Variants in CHRNA4 observed in about 807,000 individuals in gnomAD.
The protein encoded by CHRNA4 is neuronal acetylcholine receptor subunit alpha-4.
CHRNA4 carries 28 observed loss-of-function variants against 48.9 expected under a neutral mutation model. The ratio of observed to expected loss-of-function variants is 0.57; its 90% CI spans 0.42 to 0.79. CHRNA4 has a LOEUF of 0.79. Among genes scored for constraint, CHRNA4 ranks in the 30% least tolerant of loss-of-function variants. The pLI is 0.00. For synonymous variants in CHRNA4, 425 were observed against 402.3 expected, an observed-to-expected ratio of 1.06 and a Z score of -0.68; for missense variants, 859 against 898.4, an observed-to-expected ratio of 0.96 and a Z score of 0.56.
At chr20:63,351,398 C>T (rs983673944) in intron 4 of CHRNA4, among the ~76,000 whole-genome samples, 3 of 152,194 alleles carry the variant, frequency 2.0e-5, no homozygotes, top group Admixed American at 1.3e-4. Context: ...GTTCAGAGAA[C>T]GGGAAGGGAC....
chr20:63,353,481 T>TG (rs1449034572), intron 4 of CHRNA4, among the ~76,000 whole-genome samples: 3 of 31,676 alleles, frequency 9.5e-5, no homozygotes, highest in Non-Finnish European at 1.8e-4. Context: ...GCTGTGGTCC[T>TG]GGGGGGGCTG....
chr20:63,359,960 C>T (rs1277068322), intron 1 of CHRNA4: 4 of 385,440 alleles, frequency 1.0e-5, no homozygotes, highest in African/African-American at 2.3e-5. Context: ...CCTCTCTTGG[C>T]CTCCGGCTCT....
chr20:63,349,562 C>T, intron 5 of CHRNA4, 91 bp downstream of exon 5: 1 of 1,535,522 alleles, frequency 6.5e-7, no homozygotes. Flanking sequence ...GAGGCCTGGG[C>T]CCGGCTCCTG....
chr20:63,361,094 CAGG>C lies in CHRNA4; in HGVS notation c.69_71del (p.Leu24del). On this transcript the variant is annotated inframe_deletion, in exon 1 of 6. Coordinates refer to ENST00000370263, the MANE Select transcript of CHRNA4 (RefSeq NM_000744.7). ...ATCCCGCGCCCCGTAACTTACCGCG[CAGG>C]AGGCCGGTCCCCAGAAGCAGCAGCA... 2 of 1,467,968 alleles carry C rather than the reference CAGG, an allele frequency of 1.4e-6. No homozygotes were observed. Among genetic ancestry groups the C allele is most frequent in the Non-Finnish European group, 1.8e-6 (2 of 1,114,754 alleles). The allele number at this position is 1,467,968 out of a possible 1,614,324, so 90.9% of individuals were successfully genotyped here.
rs1442036053 is a variant in CHRNA4, at chr20:63,345,796, C to A, written c.*942G>T. The A allele has an allele frequency of 2.3e-6, 1 of 442,186 alleles. No homozygotes were observed. Among genetic ancestry groups the A allele is most frequent in the Non-Finnish European group, 4.6e-6 (1 of 217,410 alleles). 27.4% of individuals were successfully genotyped at this position (442,186 alleles called of 1,614,324 possible). ...AGGGCGGATCTCCCGGGCTGCGCGC[C>A]AAGGTGGAAACCCTCAGGGTCCTGG... On this transcript the variant is annotated 3_prime_UTR_variant, in exon 6 of 6. Coordinates refer to ENST00000370263, the MANE Select transcript of CHRNA4 (RefSeq NM_000744.7). This position sits in a 1 kb window ranked among gnomAD's most constrained non-coding sequence, Gnocchi z 5.4.
rs535760681 is a variant in CHRNA4 at position 63,344,334 on chromosome 20, TA to T, written c.*2403del. 3.8e-3 allele frequency: 1,713 copies of T among 454,048 alleles called. 27 individuals are homozygous for T. Among genetic ancestry groups the T allele is most frequent in the South Asian group, 0.016 (1,049 of 64,474 alleles). The allele number at this position is 454,048 out of a possible 1,614,324, so 28.1% of individuals were successfully genotyped here. The stretch of plus-strand genomic sequence containing the variant: ...GACAGGAAGGGCTGGAGGGACCTTC[TA>T]GGGGCTGGGTCTCCACTGAAGAGCA... On this transcript the variant is annotated 3_prime_UTR_variant, in exon 6 of 6. Coordinates refer to ENST00000370263, the MANE Select transcript of CHRNA4 (RefSeq NM_000744.7). The surrounding 1 kb of genome is among the most constrained non-coding windows in gnomAD (Gnocchi z 4.5).
intron 3 of CHRNA4, 67 bp from the exon 4 acceptor site, chr20:63,356,151 G>A (rs2068715117): frequency 2.6e-6 from 2 of 757,172 alleles, no homozygotes; most frequent in South Asian, 4.0e-5. Flanking sequence ...GGCGGGACAG[G>A]GCCAGGGTGG....
chr20:63,351,444 G>C (rs1175334217), intron 4 of CHRNA4, among the ~76,000 whole-genome samples: 2 of 152,200 alleles, frequency 1.3e-5, no homozygotes, highest in East Asian at 1.9e-4. Flanking sequence ...ACTGCTGCTG[G>C]TGATTACCCT....
intron 4 of CHRNA4, chr20:63,355,621 C>G: frequency 4.6e-6 from 6 of 1,309,280 alleles, no homozygotes; most frequent in Non-Finnish European, 6.0e-6. Context: ...GCAAAGACGT[C>G]GCGGGTCAGG....
At chr20:63,351,983 G>A (rs904985061) in intron 4 of CHRNA4, among the ~76,000 whole-genome samples, 2 of 152,088 alleles carry the variant, frequency 1.3e-5, no homozygotes, top group Admixed American at 6.5e-5. Context: ...ACCCACAGAA[G>A]TCCCCACCAA....
At position 63,359,779 on chromosome 20, in the gene CHRNA4, C is replaced by G. The variant is rs1031179995; in HGVS notation, c.77-80G>C. 12 of 1,537,728 alleles carry G rather than the reference C, an allele frequency of 7.8e-6. No homozygotes were observed. In the South Asian group the frequency reaches 9.2e-5, roughly 12 times the overall value. ...CTGTCCAGGAGCTCTCCAGGCTGCC[C>G]CAGCCCCCTGCCCAGCACGTCCACT... On this transcript the variant is annotated intron_variant, in intron 1 of 5. Coordinates refer to ENST00000370263, the MANE Select transcript of CHRNA4 (RefSeq NM_000744.7).
At chr20:63,358,015 G>A (rs917908171) in intron 2 of CHRNA4, among the ~76,000 whole-genome samples, 8 of 152,180 alleles carry the variant, frequency 5.3e-5, no homozygotes, top group Non-Finnish European at 1.2e-4. Flanking sequence ...GCCTTGGGCA[G>A]CTGCCAGCGG....
intron 4 of CHRNA4, among the ~76,000 whole-genome samples, chr20:63,352,961 G>T (rs2068638685): frequency 6.6e-6 from 1 of 152,118 alleles, no homozygotes; most frequent in South Asian, 2.1e-4. Flanking sequence ...ACCCGGCCGT[G>T]AGCCGGCTCT....
intron 1 of CHRNA4, 121 bp downstream of exon 1, chr20:63,360,969 C>T (rs1257570302): frequency 3.5e-6 from 3 of 847,056 alleles, no homozygotes; most frequent in Non-Finnish European, 4.9e-6. Context: ...CTCGCGGTCG[C>T]CCAGTCGCGC....
intron 4 of CHRNA4, chr20:63,354,561 C>T (rs533880081): frequency 5.8e-6 from 5 of 865,080 alleles, no homozygotes; most frequent in African/African-American, 2.4e-5. Context: ...TTTGGAGGGC[C>T]GTGGTCCTGG....
intron 2 of CHRNA4, chr20:63,356,694 G>A (rs1343461249): frequency 1.8e-6 from 1 of 551,734 alleles, no homozygotes; most frequent in Non-Finnish European, 3.3e-6. Context: ...CTAAGGACAG[G>A]TGTGGCGGGC....
At chr20:63,347,258 A>T (rs1206126005) in intron 5 of CHRNA4, among the ~76,000 whole-genome samples, 3 of 152,196 alleles carry the variant, frequency 2.0e-5, no homozygotes, top group African/African-American at 7.2e-5. Context: ...TCAGCTCACC[A>T]GCGCTGGGAG....
Position 63,350,390 on chromosome 20 carries a change from G to C in CHRNA4, c.1021C>G (p.Pro341Ala), listed in dbSNP as rs2068573017. ...AGGAAGACCCTGCGTACCCAGGTGG[G>C]CATGGTGTGCGTGCGTGGCGAGCGG... ...HHRSPRTHTMPTWVRRVFLDI... is the reference protein window; with the variant it reads ...HHRSPRTHTMATWVRRVFLDI... Residue 341 changes from proline (P) to alanine (A), a missense_variant, in exon 5 of 6, where the codon CCC (proline) becomes GCC (alanine). Pro to Ala is a conservative substitution (Grantham distance 27). Transcript: ENST00000370263. 1 of 1,613,782 alleles carries C rather than the reference G, an allele frequency of 6.2e-7. No homozygotes were observed. Among genetic ancestry groups the C allele is most frequent in the African/African-American group, 1.3e-5 (1 of 74,932 alleles).
intron 2 of CHRNA4, 84 bp downstream of exon 2, chr20:63,359,464 T>C (rs111616703): frequency 2.6e-5 from 41 of 1,558,752 alleles, no homozygotes; most frequent in Admixed American, 3.4e-5. Flanking sequence ...TGTTGATGGC[T>C]GTGTCCCCTC....
Sources: gnomAD v4.1 joint callset for allele counts (sites outside exome capture counted in the v4.1 genomes callset) on GRCh38, gnomAD v4.1.1 for gene constraint, Gnocchi (gnomAD v3.1) non-coding constraint, MANE v1.5 for transcripts, NCBI Gene and HGNC (gene_info 2026-07-23, HGNC 2026-07-21) for gene names.